Variants in KLHL13 observed in about 807,000 individuals in gnomAD.
KLHL13 encodes kelch-like protein 13.
KLHL13 carries 10 observed loss-of-function variants against 37.1 expected under a neutral mutation model. The ratio of observed to expected loss-of-function variants is 0.27; its 90% CI spans 0.17 to 0.46. The LOEUF (loss-of-function observed/expected upper bound fraction) is 0.46. Ranked by LOEUF, KLHL13 falls within the 20% of genes least tolerant of loss-of-function variation. The pLI is 1.00. For synonymous variants in KLHL13, 163 were observed against 181.2 expected, an observed-to-expected ratio of 0.90 and a Z score of 0.81; for missense variants, 360 against 509.3, an observed-to-expected ratio of 0.71 and a Z score of 2.82.
rs148161951 is a variant in KLHL13 at position 118,065,491 on chromosome X, C to T, written c.-56+51017G>A. Among the ~76,000 whole-genome samples, 202 of 111,133 alleles carry T rather than the reference C, an allele frequency of 1.8e-3. 8 individuals are homozygous for T. The East Asian group carries it at 0.054, about 30-fold the overall frequency. On this transcript the variant is annotated intron_variant, in intron 1 of 6. Coordinates refer to the KLHL13 transcript ENST00000371882. The stretch of plus-strand genomic sequence containing the variant: ...ACTTGTCCTAAACTAATTATATATA[C>T]TATCTCTCCTGGGAATTGGAGCAGA...
chrX:117,973,843 C>T (rs2053564483), upstream of KLHL13: 1 of 478,617 alleles, frequency 2.1e-6, no homozygotes, highest in African/African-American at 2.9e-5. Flanking sequence ...TCCCCTCCCT[C>T]CCCCGCAGAC....
At position 117,901,965 on chromosome X, in the gene KLHL13, A is replaced by G. The variant is rs778781549; in HGVS notation, c.1367-19T>C. 2.2e-6 allele frequency: 2 copies of G among 893,035 alleles called. No homozygotes were observed. The highest frequency in any genetic ancestry group is 3.2e-6 in the Non-Finnish European group (2 of 623,851). 73.6% of individuals were successfully genotyped at this position (893,035 alleles called of 1,213,427 possible). On this transcript the variant is annotated intron_variant, in intron 5 of 6. Coordinates refer to ENST00000262820, the Ensembl canonical transcript of KLHL13. The stretch of plus-strand genomic sequence containing the variant: ...ACTGTGGCTGTTAAAAAAAAAAAGA[A>G]AAGAAAATTATTTTTAACTTCAAAT...
chrX:117,978,695 G>A (rs2053622610), upstream of KLHL13, among the ~76,000 whole-genome samples: 1 of 110,223 alleles, frequency 9.1e-6, no homozygotes, highest in Non-Finnish European at 1.9e-5. Flanking sequence ...CTTCACTAAG[G>A]CTGTAAAAAG....
intron 1 of KLHL13, among the ~76,000 whole-genome samples, chrX:118,106,765 T>G (rs1217239905): frequency 8.9e-6 from 1 of 112,093 alleles, no homozygotes; most frequent in Non-Finnish European, 1.9e-5. Context: ...TAGATTCATG[T>G]ACTCTCAACT....
chrX:118,064,853 C>T (rs866373282), intron 1 of KLHL13, among the ~76,000 whole-genome samples: 58 of 111,045 alleles, frequency 5.2e-4, no homozygotes, highest in Middle Eastern at 9.3e-3. Flanking sequence ...CAAAGGGTGG[C>T]TATAAGGTCT....
At chrX:118,052,509 A>G (rs2054627123) in intron 1 of KLHL13, among the ~76,000 whole-genome samples, 2 of 100,378 alleles carry the variant, frequency 2.0e-5, no homozygotes, top group Admixed American at 2.1e-4. Context: ...GCGACAGAGC[A>G]AGACTCCGTC....
intron 1 of KLHL13, among the ~76,000 whole-genome samples, chrX:118,035,610 T>C (rs1464162836): frequency 9.1e-6 from 1 of 109,772 alleles, no homozygotes; most frequent in African/African-American, 3.4e-5. Context: ...ATAAGAGCTA[T>C]CTATGACAAA....
At chrX:118,112,183 G>A (rs10126598) in intron 1 of KLHL13, among the ~76,000 whole-genome samples, 3,207 of 112,124 alleles carry the variant, frequency 0.029, 110 homozygotes, top group African/African-American at 0.097. Flanking sequence ...AAGTAAAACA[G>A]TATTAAATGA....
intron 6 of KLHL13, among the ~76,000 whole-genome samples, 176 bp from the exon 8 acceptor site, chrX:117,899,571 T>C (rs1203901338): frequency 8.9e-6 from 1 of 112,212 alleles, no homozygotes; most frequent in African/African-American, 3.2e-5. Flanking sequence ...GTAAAGAAAA[T>C]AGCATTTTCA....
intron 5 of KLHL13, among the ~76,000 whole-genome samples, chrX:117,908,066 ATTAT>A (rs78358758): frequency 0.13 from 13,233 of 99,091 alleles, 1,200 homozygotes; most frequent in African/African-American, 0.27. Flanking sequence ...CTACAAGGAC[ATTAT>A]TTATTTATTT....
At chrX:118,093,965 A>C (rs1253136033) in intron 1 of KLHL13, among the ~76,000 whole-genome samples, 1 of 109,944 alleles carries the variant, frequency 9.1e-6, no homozygotes, top group Admixed American at 9.8e-5. Flanking sequence ...AAGACGGGTA[A>C]TTTCTGCATT....
intron 1 of KLHL13, among the ~76,000 whole-genome samples, chrX:117,995,345 T>C (rs1361116246): frequency 1.8e-5 from 2 of 112,283 alleles, no homozygotes; most frequent in African/African-American, 6.5e-5. Flanking sequence ...CTATTCCCCA[T>C]AAAATGTCAC....
chrX:117,946,430 C>A (rs1471763972), intron 1 of KLHL13: 1 of 112,068 alleles, frequency 8.9e-6, no homozygotes, highest in Non-Finnish European at 1.9e-5. Context: ...GAGAATATGA[C>A]AATACATTTG....
intron 1 of KLHL13, among the ~76,000 whole-genome samples, chrX:118,042,781 T>C (rs986135074): frequency 7.2e-5 from 8 of 110,968 alleles, no homozygotes; most frequent in Non-Finnish European, 1.3e-4. Context: ...TATAAATGCC[T>C]ACATCAAAAA....
At chrX:117,994,605 T>A (rs1440309621) in intron 1 of KLHL13, among the ~76,000 whole-genome samples, 1 of 111,810 alleles carries the variant, frequency 8.9e-6, no homozygotes, top group Non-Finnish European at 1.9e-5. Context: ...AACAGGTACC[T>A]GGTCTTGGCC....
At position 117,945,588 on chromosome X, in the gene KLHL13, T is replaced by TA; in HGVS notation, c.99-14_99-13insT. On this transcript the variant is annotated splice_polypyrimidine_tract_variant and intron_variant, in intron 1 of 6. Transcript: ENST00000262820. ...TTCCACGAGAGATCTGAAAGTTTTTTTACATAAGAAAGAAGGGGAAATTAA... is the reference window on the plus strand; with the variant it reads ...TTCCACGAGAGATCTGAAAGTTTTTTATACATAAGAAAGAAGGGGAAATTAA... 8.5e-7 allele frequency: 1 copy of TA among 1,180,283 alleles called. No individual in the cohort carries two copies. Among genetic ancestry groups the TA allele is most frequent in the Non-Finnish European group, 1.1e-6 (1 of 873,238 alleles).
intron 1 of KLHL13, among the ~76,000 whole-genome samples, chrX:117,953,354 T>C (rs1380863495): frequency 3.7e-5 from 4 of 109,252 alleles, no homozygotes; most frequent in Non-Finnish European, 1.9e-5. Context: ...AATTGAACAA[T>C]GAGAAAACAT....
intron 1 of KLHL13, among the ~76,000 whole-genome samples, chrX:118,058,334 TA>T (rs747551641): frequency 1.2e-3 from 132 of 111,248 alleles, no homozygotes; most frequent in Non-Finnish European, 2.0e-3. Context: ...ACTAATTAAT[TA>T]AAGTATGCCA....
At chrX:118,051,124 T>G (rs2054607844) in intron 1 of KLHL13, among the ~76,000 whole-genome samples, 1 of 110,789 alleles carries the variant, frequency 9.0e-6, no homozygotes, top group African/African-American at 3.3e-5. Flanking sequence ...ATTTCTTATA[T>G]TCCACCAATA....
Sources: allele counts gnomAD v4.1 joint callset (sites outside exome capture counted in the v4.1 genomes callset), GRCh38; gene constraint gnomAD v4.1.1; transcripts MANE v1.5; gene names NCBI Gene and HGNC (gene_info 2026-07-23, HGNC 2026-07-21).